Variants in NCKAP5 observed in about 807,000 individuals in gnomAD.
NCKAP5 encodes the protein NCK associated protein 5, also known as nck-associated protein 5.
A neutral mutation model predicts 167.0 loss-of-function variants in NCKAP5; 92 were observed. That is an observed-to-expected ratio of 0.55 (90% CI 0.47 to 0.66). The LOEUF (loss-of-function observed/expected upper bound fraction) is 0.66. Ranked by LOEUF, NCKAP5 falls within the 30% of genes least tolerant of loss-of-function variation. The probability of loss-of-function intolerance (pLI) is 0.00; values close to 1 mark genes in which losing one functional copy is unlikely to be tolerated. For missense variants in NCKAP5, 2,378 were observed against 2,315.0 expected, an observed-to-expected ratio of 1.03 and a Z score of -0.56; for synonymous variants, 891 against 877.4, an observed-to-expected ratio of 1.02 and a Z score of -0.27.
At chr2:133,514,443 G>A (rs1474261253) in intron 3 of NCKAP5, among the ~76,000 whole-genome samples, 2 of 152,084 alleles carry the variant, frequency 1.3e-5, no homozygotes, top group African/African-American at 4.8e-5. Context: ...TCAGTTTTTG[G>A]ACTGTGAGTT....
Position 132,781,042 on chromosome 2 carries a change from G to C in NCKAP5, c.5049+10C>G, listed in dbSNP as rs1369863119. 2 of 1,611,690 alleles carry C rather than the reference G, an allele frequency of 1.2e-6. No homozygotes were observed. Among genetic ancestry groups the C allele is most frequent in the African/African-American group, 2.7e-5 (2 of 74,786 alleles). ...TGTAGCACTTGATACCAGGATGGTG[G>C]AGCACTTACCAGGGAGTCTTTTGGT... On this transcript the variant is annotated intron_variant, in intron 15 of 19. Transcript: ENST00000409261.
chr2:133,096,520 A>G (rs1459536863), intron 6 of NCKAP5, among the ~76,000 whole-genome samples: 1 of 151,584 alleles, frequency 6.6e-6, no homozygotes, highest in Non-Finnish European at 1.5e-5. Flanking sequence ...AAATAAATAA[A>G]TAAATAAATA....
At chr2:133,665,464 C>T in the NCKAP5 span, among the ~76,000 whole-genome samples, 1 of 152,194 alleles carries the variant, frequency 6.6e-6, no homozygotes, top group Admixed American at 6.5e-5. Context: ...TCAGAACACA[C>T]ACATTTTAAC....
intron 5 of NCKAP5, among the ~76,000 whole-genome samples, chr2:133,144,320 T>G (rs796077120): frequency 3.9e-5 from 6 of 152,150 alleles, no homozygotes; most frequent in African/African-American, 1.4e-4. Context: ...TGTGGATGTA[T>G]TCCAAAAAAA....
chr2:132,762,060 A>G (rs1681055146), intron 16 of NCKAP5, among the ~76,000 whole-genome samples: 1 of 152,204 alleles, frequency 6.6e-6, no homozygotes, highest in Non-Finnish European at 1.5e-5. Context: ...CTTGGTTTGG[A>G]TGATGATTCC....
chr2:132,919,878 G>A (rs1275894249), intron 8 of NCKAP5, among the ~76,000 whole-genome samples: 1 of 152,148 alleles, frequency 6.6e-6, no homozygotes, highest in Non-Finnish European at 1.5e-5. Context: ...GCTCCAGAAT[G>A]AGCAGTAAGT....
intron 6 of NCKAP5, among the ~76,000 whole-genome samples, chr2:133,095,164 A>C (rs868294848): frequency 6.6e-6 from 1 of 152,164 alleles, no homozygotes; most frequent in African/African-American, 2.4e-5. Context: ...ATTTGTGGTA[A>C]ACTGCTACAC....
At chr2:132,975,933 G>A (rs766593600) in intron 7 of NCKAP5, among the ~76,000 whole-genome samples, 16 of 152,134 alleles carry the variant, frequency 1.1e-4, no homozygotes, top group African/African-American at 2.7e-4. Flanking sequence ...TGACAACCCC[G>A]TCACTGAGTT....
chr2:133,470,900 C>T (rs557918411), intron 3 of NCKAP5, among the ~76,000 whole-genome samples: 38 of 152,362 alleles, frequency 2.5e-4, no homozygotes, highest in Admixed American at 1.0e-3. Flanking sequence ...CACTGACCTG[C>T]GCCCACTGTC....
intron 16 of NCKAP5, among the ~76,000 whole-genome samples, chr2:132,757,602 T>C (rs1468976446): frequency 6.6e-6 from 1 of 152,232 alleles, no homozygotes; most frequent in Non-Finnish European, 1.5e-5. Flanking sequence ...GCCACAGTCC[T>C]CACCCAATTT....
At chr2:133,548,928 A>T (rs1687009739) in intron 2 of NCKAP5, among the ~76,000 whole-genome samples, 1 of 151,962 alleles carries the variant, frequency 6.6e-6, no homozygotes, top group Non-Finnish European at 1.5e-5. Context: ...AAAGACACAG[A>T]CGGGCAAATT....
chr2:133,517,513 C>T lies in NCKAP5; in HGVS notation c.14G>A (p.Arg5Lys). 1.3e-6 allele frequency: 2 copies of T among 1,537,342 alleles called. No homozygotes were observed. The highest frequency in any genetic ancestry group is 8.8e-7 in the Non-Finnish European group (1 of 1,138,376). ...TCCAAAGTCCCTTTTCTCAAGCTGT[C>T]TCTTTCCCTCCATGGATGAAGTTAT... Reference protein sequence around the residue: MEGKRQLEKRDFGKR... With the variant: MEGKKQLEKRDFGKR... The change falls in exon 3 of 20, where the codon AGA becomes AAA. Residue 5 changes from arginine (R) to lysine (K), a missense_variant. This residue lies in a region of NCKAP5 where 1,049 missense variants were observed against 1,023.4 expected (regional missense o/e 1.02). Transcript: ENST00000409261.
chr2:133,330,294 A>C (rs2150720193), intron 3 of NCKAP5, among the ~76,000 whole-genome samples: 1 of 130,254 alleles, frequency 7.7e-6, no homozygotes, highest in African/African-American at 2.9e-5. Flanking sequence ...CATGTGTCAC[A>C]GGCTGGTCTC....
At position 132,895,821 on chromosome 2, in the gene NCKAP5, AAAAAAAAAAAAAC is replaced by A. The variant is rs939892941; in HGVS notation, c.580-16918_580-16906del. On this transcript the variant is annotated intron_variant, in intron 8 of 19. Coordinates refer to ENST00000409261, the MANE Select transcript of NCKAP5 (RefSeq NM_207363.3). ...CTAACTGAATGAGAAGGACTCAAAA[AAAAAAAAAAAAAC>A]AAAAAAAAAAACACAGTAGGCCAGG... is the stretch of plus-strand genomic sequence containing the variant. 6.1e-5 allele frequency among the ~76,000 whole-genome samples: 9 copies of A among 148,188 alleles called. No homozygotes were observed. In the East Asian group the frequency reaches 9.7e-4, roughly 16 times the overall value.
rs1288439019 is a variant in NCKAP5, at chr2:132,728,899, A to G, written c.5497T>C (p.Ser1833Pro). 4.3e-6 allele frequency: 7 copies of G among 1,613,866 alleles called. No individual in the cohort carries two copies. Among genetic ancestry groups the G allele is most frequent in the African/African-American group, 2.7e-5 (2 of 74,922 alleles). ...NEAEPRPQTC[S>P]SFGYAEDPMA... is the part of the protein sequence containing the mutation. ...GGGTCTTCAGCATATCCGAATGATGAGCATGTCTGAGGCCTTGGCTCTGCT... is the reference window on the plus strand; with the variant it reads ...GGGTCTTCAGCATATCCGAATGATGGGCATGTCTGAGGCCTTGGCTCTGCT... The change falls in exon 18 of 20, where the codon TCA becomes CCA. Residue 1833 changes from serine to proline, a missense_variant. By Grantham distance (74) the Ser-to-Pro change is moderately conservative (BLOSUM62 -1). Transcript: ENST00000409261.
At chr2:133,311,726 T>C (rs1229753907) in intron 3 of NCKAP5, among the ~76,000 whole-genome samples, 1 of 152,086 alleles carries the variant, frequency 6.6e-6, no homozygotes, top group Non-Finnish European at 1.5e-5. Context: ...ATAAGAAACG[T>C]TTTAGGATCT....
chr2:133,238,825 A>C (rs2087544786), intron 4 of NCKAP5, among the ~76,000 whole-genome samples: 1 of 152,154 alleles, frequency 6.6e-6, no homozygotes, highest in Non-Finnish European at 1.5e-5. Context: ...CTACCACATA[A>C]ATGTTTAGTC....
the NCKAP5 span, among the ~76,000 whole-genome samples, chr2:133,640,499 T>C: frequency 1.2e-3 from 187 of 152,324 alleles, 1 homozygote; most frequent in Middle Eastern, 3.4e-3. Flanking sequence ...GGAGGTGAAC[T>C]ATAACAGTCT....
At chr2:133,153,654 C>A (rs1023524966) in intron 5 of NCKAP5, among the ~76,000 whole-genome samples, 1 of 151,934 alleles carries the variant, frequency 6.6e-6, no homozygotes, top group African/African-American at 2.4e-5. Context: ...ATCAATCCAG[C>A]CCCATCTTTA....
Sources: allele counts gnomAD v4.1 joint callset (sites outside exome capture counted in the v4.1 genomes callset), GRCh38; gene constraint gnomAD v4.1.1; regional missense constraint gnomAD v4.1.1; transcripts MANE v1.5; gene names NCBI Gene and HGNC (gene_info 2026-07-23, HGNC 2026-07-21).